The following MRPL10 variants were observed in gnomAD, a reference collection of about 807,000 sequenced individuals.
MRPL10 encodes mitochondrial ribosomal protein L10, also known as large ribosomal subunit protein uL10m.
Under a neutral mutation model 19.8 loss-of-function variants are expected in MRPL10, and 14 were observed. The ratio of observed to expected loss-of-function variants is 0.71; its 90% CI spans 0.47 to 1.11. The LOEUF (loss-of-function observed/expected upper bound fraction) is 1.11, where lower values mean the gene tolerates loss of function less well. MRPL10 is among the 50% of genes least tolerant of loss of function. MRPL10 has a pLI of 0.00. For missense variants in MRPL10, 318 were observed against 339.6 expected (o/e 0.94, Z 0.50); for synonymous variants, 129 against 139.2 (o/e 0.93, Z 0.52).
intron 1 of MRPL10, among the ~76,000 whole-genome samples, chr17:47,830,163 G>GA (rs1403659288): frequency 6.6e-6 from 1 of 152,110 alleles, no homozygotes. Flanking sequence ...TTGAAGAGGA[G>GA]AAAAAAATGT....
intron 1 of MRPL10, 23 bp downstream of exon 1, chr17:47,831,437 T>G: frequency 1.3e-6 from 2 of 1,548,468 alleles, no homozygotes; most frequent in Non-Finnish European, 1.7e-6. Context: ...AGACACGCCG[T>G]GAGGACCTGG....
rs1567948843 is a variant in MRPL10 at position 47,824,167 on chromosome 17, A to G, written c.*38T>C. ...TTGAGGAGAGCACAGCCAATAACGCAGAGTGTATTTATGCGCAGGGCTGGC... is the reference window on the plus strand; with the variant it reads ...TTGAGGAGAGCACAGCCAATAACGCGGAGTGTATTTATGCGCAGGGCTGGC... On this transcript the variant is annotated 3_prime_UTR_variant, in exon 5 of 5. Transcript: ENST00000351111. The G allele has an allele frequency of 6.2e-7, 1 of 1,613,448 alleles. No individual in the cohort carries two copies. Among genetic ancestry groups the G allele is most frequent in the East Asian group, 2.2e-5 (1 of 44,882 alleles).
intron 2 of MRPL10, 34 bp downstream of exon 2, chr17:47,828,467 C>A: frequency 7.3e-7 from 1 of 1,378,824 alleles, no homozygotes; most frequent in Non-Finnish European, 9.5e-7. Context: ...CACCATCCCA[C>A]CACCAAGTGA....
intron 2 of MRPL10, 126 bp from the exon 3 acceptor site, chr17:47,827,330 A>G (rs1193271750): frequency 1.4e-6 from 1 of 731,070 alleles, no homozygotes; most frequent in East Asian, 2.8e-5. Context: ...GGGAACAAGT[A>G]GGATAACTGG....
At chr17:47,831,247 G>A (rs1459418904) in intron 1 of MRPL10, 1 of 1,327,184 alleles carries the variant, frequency 7.5e-7, no homozygotes, top group Non-Finnish European at 1.0e-6. Context: ...GTCTGGGCGA[G>A]GAGTGGTCCA....
chr17:47,827,260 G>A (rs1259364313), intron 2 of MRPL10, 56 bp from the exon 3 acceptor site: 19 of 1,516,588 alleles, frequency 1.3e-5, no homozygotes, highest in South Asian at 2.5e-5. Context: ...TCCTGGCAAC[G>A]TTGCTCCCTC....
chr17:47,831,410 A>G, intron 1 of MRPL10, 50 bp downstream of exon 1: 1 of 1,547,102 alleles, frequency 6.5e-7, no homozygotes, highest in Non-Finnish European at 8.7e-7. Context: ...GCAGATGAGG[A>G]CTAGAGAGCG....
chr17:47,827,315 G>C, intron 2 of MRPL10, 111 bp from the exon 3 acceptor site: 1 of 886,354 alleles, frequency 1.1e-6, no homozygotes, highest in East Asian at 2.6e-5. Context: ...ATGTGCAAAA[G>C]ATCGGGGAAC....
chr17:47,825,840 G>A (rs999280650), intron 4 of MRPL10, among the ~76,000 whole-genome samples: 1 of 151,960 alleles, frequency 6.6e-6, no homozygotes, highest in Non-Finnish European at 1.5e-5. Context: ...TGTTGAGGGG[G>A]TATTAAAATC....
chr17:47,826,418 TTTCCTAGTC>T (rs982040451), intron 4 of MRPL10, among the ~76,000 whole-genome samples: 9 of 152,284 alleles, frequency 5.9e-5, no homozygotes, highest in African/African-American at 2.2e-4. Flanking sequence ...CATGTCTGCC[TTTCCTAGTC>T]TTCCCTCCAG....
At chr17:47,824,945 T>G (rs971600626) in intron 4 of MRPL10, among the ~76,000 whole-genome samples, 432 of 113,536 alleles carry the variant, frequency 3.8e-3, no homozygotes, top group African/African-American at 0.015. Context: ...ACCCGGGAGG[T>G]AGAGGTTACA....
rs2033477253 is a variant in MRPL10 at position 47,823,601 on chromosome 17, GAA to G, written c.*602_*603del. On this transcript the variant is annotated 3_prime_UTR_variant, in exon 5 of 5. Coordinates refer to ENST00000351111, the MANE Select transcript of MRPL10 (RefSeq NM_145255.4). The stretch of plus-strand genomic sequence containing the variant: ...GGTAACCTGATGAGGAAGCTCTAGT[GAA>G]GAAATTCAGGACGCGGTCTTCAGAG... The G allele has an allele frequency of 6.5e-6, 1 of 154,234 alleles. No homozygotes were observed. The allele number at this position is 154,234 out of a possible 1,614,324, so 9.6% of individuals were successfully genotyped here.
chr17:47,825,416 A>C (rs72833439), intron 4 of MRPL10, among the ~76,000 whole-genome samples: 44,782 of 151,770 alleles, frequency 0.3, 7,918 homozygotes, highest in Non-Finnish European at 0.41. Flanking sequence ...ATTGCTTGAA[A>C]CTAGCAGTTC....
chr17:47,830,278 A>G (rs1314375572), intron 1 of MRPL10, among the ~76,000 whole-genome samples: 1 of 152,236 alleles, frequency 6.6e-6, no homozygotes, highest in African/African-American at 2.4e-5. Flanking sequence ...GGCACTCAAA[A>G]GCCCTGAGAC....
At chr17:47,827,293 A>T in intron 2 of MRPL10, 89 bp from the exon 3 acceptor site, 1 of 1,149,846 alleles carries the variant, frequency 8.7e-7, no homozygotes, top group Non-Finnish European at 1.2e-6. Context: ...TAGGGCTTCC[A>T]GTGATGTCCA....
At chr17:47,828,719 T>C (rs2033577411) in intron 1 of MRPL10, 49 bp from the exon 2 acceptor site, 1 of 1,443,890 alleles carries the variant, frequency 6.9e-7, no homozygotes, top group Non-Finnish European at 9.1e-7. Context: ...CTGGAGGCCC[T>C]AGTTTATCCC....
chr17:47,823,884 C>T lies in MRPL10; in HGVS notation c.*321G>A, dbSNP rs556094413. ...CCCCAAGGGGGTGGGCTCAGGAGCC[C>T]GTGCAGCAAGAGGCAGTGACCAAGG... On this transcript the variant is annotated 3_prime_UTR_variant, in exon 5 of 5. Coordinates refer to ENST00000351111, the MANE Select transcript of MRPL10 (RefSeq NM_145255.4). 135 of 373,598 alleles carry T rather than the reference C, an allele frequency of 3.6e-4. No homozygotes were observed. The highest frequency in any genetic ancestry group is 6.0e-4 in the Non-Finnish European group (121 of 200,110). 23.1% of individuals were successfully genotyped at this position (373,598 alleles called of 1,614,324 possible).
At chr17:47,828,463 C>T (rs992299920) in intron 2 of MRPL10, 38 bp downstream of exon 2, 1 of 1,364,654 alleles carries the variant, frequency 7.3e-7, no homozygotes. Context: ...AATCCACCAT[C>T]CCACCACCAA....
intron 1 of MRPL10, 176 bp downstream of exon 1, chr17:47,831,284 A>G (rs1279569630): frequency 1.7e-5 from 25 of 1,506,456 alleles, no homozygotes; most frequent in Non-Finnish European, 1.8e-6. Flanking sequence ...GAGACAGACA[A>G]CATCTGGACG....
Sources: allele counts gnomAD v4.1 joint callset (sites outside exome capture counted in the v4.1 genomes callset), GRCh38; gene constraint gnomAD v4.1.1; transcripts MANE v1.5; gene names NCBI Gene and HGNC (gene_info 2026-07-23, HGNC 2026-07-21).